Variants in DLG2 observed in about 807,000 individuals in gnomAD.
DLG2 encodes the protein disks large homolog 2.
In DLG2, 45 loss-of-function variants were observed where a neutral mutation model predicts 132.5. The observed-to-expected ratio is 0.34, with a 90% CI of 0.27 to 0.44. The LOEUF (loss-of-function observed/expected upper bound fraction) is 0.44, where lower values mean the gene tolerates loss of function less well. DLG2 is among the 20% of genes least tolerant of loss of function. The pLI is 1.00. For synonymous variants in DLG2, 424 were observed against 419.6 expected (o/e 1.01, Z -0.13); for missense variants, 1,045 against 1,196.9 (o/e 0.87, Z 1.87).
rs536458637 is a variant in DLG2 at position 84,460,359 on chromosome 11, T to TGAAGTTAATATTGCTTCATCAAGC, written c.519+74187_519+74210dup. Among the ~76,000 whole-genome samples, 219 of 150,700 alleles carry TGAAGTTAATATTGCTTCATCAAGC rather than the reference T, an allele frequency of 1.5e-3. 1 individual carries two copies. Among genetic ancestry groups the TGAAGTTAATATTGCTTCATCAAGC allele is most frequent in the African/African-American group, 5.2e-3 (213 of 41,354 alleles). The stretch of plus-strand genomic sequence containing the variant: ...ATCTGGGTAATATTACTTCATCAAG[T>TGAAGTTAATATTGCTTCATCAAGC]GAAGTTAATATTGCTTCATCAAGCA... On this transcript the variant is annotated intron_variant, in intron 7 of 27. Transcript: ENST00000376104.
intron 7 of DLG2, among the ~76,000 whole-genome samples, chr11:84,442,990 C>T (rs969041129): frequency 3.3e-5 from 5 of 151,954 alleles, no homozygotes; most frequent in Admixed American, 6.6e-5. Context: ...CAAACTGGCC[C>T]GGCTGCAGAT....
In DLG2 at chr11:84,446,643, T is replaced by C. The variant is rs638445; in HGVS notation, c.519+87927A>G. Reference sequence around the variant, plus strand: ...TAAATTTACTCTTTTTTTTTCTTTTTCCACTCCTAATAGAAACATGCATCC... The same window carrying C: ...TAAATTTACTCTTTTTTTTTCTTTTCCCACTCCTAATAGAAACATGCATCC... On this transcript the variant is annotated intron_variant, in intron 7 of 27. Coordinates refer to ENST00000376104, the MANE Select transcript of DLG2 (RefSeq NM_001142699.3). Among the ~76,000 whole-genome samples the C allele has an allele frequency of 2.9e-3, 445 of 152,252 alleles. 2 individuals carry two copies. The South Asian group carries it at 0.04, about 14-fold the overall frequency.
rs1264233427 is a variant in DLG2 at position 84,027,017 on chromosome 11, G to A, written c.919+32298C>T. Among the ~76,000 whole-genome samples, 4 of 151,998 alleles carry A rather than the reference G, an allele frequency of 2.6e-5. No individual in the cohort carries two copies. The East Asian group carries it at 5.8e-4, about 22-fold the overall frequency. ...TTTTATATTACTCTTCAAATCAAGTGTCAATGGGTTTTAGGGTGGGTCTAA... is the reference window on the plus strand; with the variant it reads ...TTTTATATTACTCTTCAAATCAAGTATCAATGGGTTTTAGGGTGGGTCTAA... On this transcript the variant is annotated intron_variant, in intron 11 of 27. Coordinates refer to ENST00000376104, the MANE Select transcript of DLG2 (RefSeq NM_001142699.3).
chr11:85,113,521 G>C (rs2073099556), intron 5 of DLG2, among the ~76,000 whole-genome samples: 2 of 151,958 alleles, frequency 1.3e-5, no homozygotes, highest in Admixed American at 1.3e-4. Context: ...AATTAACAAT[G>C]ATTTTACAAG....
rs140991191 is a variant in DLG2, at chr11:85,207,180, C to A, written c.187-52529G>T. ...ATTTTTCTGTCAAACATCAACCCTA[C>A]ATATATTGTACTAATGAGGAGGGAA... On this transcript the variant is annotated intron_variant, in intron 4 of 27. Transcript: ENST00000376104. 3.0e-4 allele frequency among the ~76,000 whole-genome samples: 46 copies of A among 152,260 alleles called. 1 individual carries two copies. In the East Asian group the frequency reaches 8.3e-3, roughly 28 times the overall value.
intron 3 of DLG2, among the ~76,000 whole-genome samples, chr11:85,415,908 C>T (rs542761437): frequency 5.9e-5 from 9 of 152,190 alleles, no homozygotes; most frequent in African/African-American, 1.9e-4. Context: ...GGTTTTGTTG[C>T]CATTGCTTTT....
At chr11:85,039,749 C>CT (rs1171416002) in intron 6 of DLG2, among the ~76,000 whole-genome samples, 3 of 151,904 alleles carry the variant, frequency 2.0e-5, no homozygotes, top group Non-Finnish European at 4.4e-5. Flanking sequence ...ACCTTACTCT[C>CT]TCATTTTATT....
rs146730462 is a variant in DLG2 at position 85,209,691 on chromosome 11, C to T, written c.187-55040G>A. ...CTGACCTCAAGTAATCCACCCGCCT[C>T]GGCCTCCCAAAGTTCTGGGATTATA... On this transcript the variant is annotated intron_variant, in intron 4 of 27. Coordinates refer to ENST00000376104, the MANE Select transcript of DLG2 (RefSeq NM_001142699.3). Among the ~76,000 whole-genome samples the T allele has an allele frequency of 8.7e-3, 1,317 of 150,966 alleles. 25 individuals are homozygous for T. Among genetic ancestry groups the T allele is most frequent in the African/African-American group, 0.031 (1,271 of 41,122 alleles).
intron 3 of DLG2, among the ~76,000 whole-genome samples, chr11:85,536,424 A>G (rs2075586404): frequency 6.6e-6 from 1 of 152,170 alleles, no homozygotes; most frequent in South Asian, 2.1e-4. Flanking sequence ...GGTAGGTCAT[A>G]GAAACTAGAA....
intron 6 of DLG2, among the ~76,000 whole-genome samples, chr11:84,599,602 C>T (rs191233701): frequency 9.5e-4 from 145 of 152,270 alleles, no homozygotes; most frequent in African/African-American, 3.4e-3. Flanking sequence ...GCCTATTTTA[C>T]ACCTACAGGC....
At chr11:84,157,719 T>C (rs2095459566) in intron 9 of DLG2, among the ~76,000 whole-genome samples, 1 of 152,266 alleles carries the variant, frequency 6.6e-6, no homozygotes, top group Non-Finnish European at 1.5e-5. Context: ...TCATAGTTTT[T>C]GTGCATTTAC....
At chr11:84,502,215 C>CTTCCTTCCTTCCTTCCTTCCTTCCT (rs2099212356) in intron 7 of DLG2, among the ~76,000 whole-genome samples, 1 of 2,470 alleles carries the variant, frequency 4.0e-4, no homozygotes, top group Admixed American at 2.6e-3. Context: ...TCCTTCCTTC[C>CTTCCTTCCTTCCTTCCTTCCTTCCT]TTCCTTCCTT....
At chr11:84,441,335 TA>T (rs1316756234) in intron 7 of DLG2, among the ~76,000 whole-genome samples, 1 of 152,032 alleles carries the variant, frequency 6.6e-6, no homozygotes, top group Non-Finnish European at 1.5e-5. Context: ...TTTCTCTTTC[TA>T]GAGATGAGGT....
intron 6 of DLG2, among the ~76,000 whole-genome samples, chr11:84,741,399 C>G (rs753924511): frequency 1.3e-5 from 2 of 152,134 alleles, no homozygotes; most frequent in Non-Finnish European, 2.9e-5. Flanking sequence ...TCCAACCCCA[C>G]TGAGACAGAC....
intron 3 of DLG2, among the ~76,000 whole-genome samples, chr11:85,291,831 C>A (rs1434252424): frequency 1.3e-5 from 2 of 151,958 alleles, no homozygotes; most frequent in South Asian, 4.2e-4. Flanking sequence ...GTGATCCACC[C>A]GCCTCAGCCT....
intron 6 of DLG2, among the ~76,000 whole-genome samples, chr11:84,696,232 T>C (rs1231791029): frequency 1.3e-5 from 2 of 151,600 alleles, no homozygotes; most frequent in Non-Finnish European, 3.0e-5. Context: ...TTATAATTAC[T>C]GAATCATGGT....
intron 3 of DLG2, among the ~76,000 whole-genome samples, chr11:85,474,221 T>C (rs888772500): frequency 6.6e-6 from 1 of 151,996 alleles, no homozygotes; most frequent in Admixed American, 6.6e-5. Flanking sequence ...ATTTATGTAA[T>C]AGTCAGAAGA....
intron 7 of DLG2, among the ~76,000 whole-genome samples, chr11:84,450,120 T>C (rs1228556585): frequency 6.6e-6 from 1 of 151,936 alleles, no homozygotes; most frequent in Non-Finnish European, 1.5e-5. Flanking sequence ...TTGATTAACT[T>C]ATTCAAGGTC....
chr11:85,552,041 A>C (rs2076694521), intron 3 of DLG2, among the ~76,000 whole-genome samples: 1 of 151,354 alleles, frequency 6.6e-6, no homozygotes, highest in Admixed American at 6.6e-5. Flanking sequence ...TCTGAAAATA[A>C]AACTCCTTTC....
Sources: allele counts gnomAD v4.1 joint callset (sites outside exome capture counted in the v4.1 genomes callset), GRCh38; gene constraint gnomAD v4.1.1; transcripts MANE v1.5; gene names NCBI Gene and HGNC (gene_info 2026-07-23, HGNC 2026-07-21).